Variants in CEP112 observed in about 807,000 individuals in gnomAD.
CEP112 encodes the protein centrosomal protein 112, also known as centrosomal protein of 112 kDa.
In CEP112, 127 loss-of-function variants were observed where a neutral mutation model predicts 153.0. The observed-to-expected ratio is 0.83, with a 90% CI of 0.72 to 0.96. The LOEUF is 0.96. Ranked by LOEUF, CEP112 falls within the 40% of genes least tolerant of loss-of-function variation. The probability of loss-of-function intolerance (pLI) is 0.00; values close to 1 mark genes in which losing one functional copy is unlikely to be tolerated. For synonymous variants in CEP112, 358 were observed against 374.4 expected (o/e 0.96, Z 0.51); for missense variants, 1,089 against 1,101.2 (o/e 0.99, Z 0.16).
At chr17:66,180,858 T>TA (rs2072689940) in intron 2 of CEP112, among the ~76,000 whole-genome samples, 1 of 152,170 alleles carries the variant, frequency 6.6e-6, no homozygotes, top group African/African-American at 2.4e-5. Flanking sequence ...CCTACAAAAA[T>TA]ACACTAAGAC....
At chr17:66,133,132 A>G (rs1469702215) in intron 4 of CEP112, among the ~76,000 whole-genome samples, 2 of 152,146 alleles carry the variant, frequency 1.3e-5, no homozygotes. Context: ...CTTTTTATTT[A>G]TATTTCATTT....
chr17:65,769,157 C>T (rs6504351), intron 21 of CEP112, among the ~76,000 whole-genome samples: 72,649 of 151,392 alleles, frequency 0.48, 19,074 homozygotes, highest in East Asian at 0.78. Context: ...AAAAAGGAAA[C>T]TGAGAAAACA....
intron 12 of CEP112, among the ~76,000 whole-genome samples, chr17:66,047,163 C>T (rs1192784659): frequency 6.6e-6 from 1 of 152,152 alleles, no homozygotes; most frequent in Non-Finnish European, 1.5e-5. Flanking sequence ...GTTGCCCAGG[C>T]TGGAGTGCAG....
intron 5 of CEP112, among the ~76,000 whole-genome samples, chr17:66,132,043 C>T: frequency 6.6e-6 from 1 of 151,048 alleles, no homozygotes; most frequent in South Asian, 2.1e-4. Flanking sequence ...GTGGTGCATG[C>T]CTGTAGTCTC....
At chr17:65,639,250 C>T (rs993811160) in intron 25 of CEP112, among the ~76,000 whole-genome samples, 3 of 151,960 alleles carry the variant, frequency 2.0e-5, no homozygotes, top group South Asian at 2.1e-4. Flanking sequence ...AAATAGATAA[C>T]GTGGATATCA....
At chr17:65,970,381 G>GCATGTAAATTACATGCACACAT (rs1568313628) in intron 17 of CEP112, among the ~76,000 whole-genome samples, 1 of 62,744 alleles carries the variant, frequency 1.6e-5, no homozygotes, top group Non-Finnish European at 3.7e-5. Flanking sequence ...CACACATCAT[G>GCATGTAAATTACATGCACACAT]CATATATATT....
intron 23 of CEP112, among the ~76,000 whole-genome samples, chr17:65,742,667 A>G (rs1428050044): frequency 6.6e-6 from 1 of 152,004 alleles, no homozygotes; most frequent in Non-Finnish European, 1.5e-5. Context: ...CATTATGCGA[A>G]TACATAATGA....
At chr17:65,964,937 A>T (rs1344208645) in intron 17 of CEP112, among the ~76,000 whole-genome samples, 1 of 152,230 alleles carries the variant, frequency 6.6e-6, no homozygotes, top group Non-Finnish European at 1.5e-5. Context: ...AAAAGTTTAT[A>T]TATCACTTAC....
chr17:66,115,547 G>T (rs2069251316), intron 6 of CEP112, among the ~76,000 whole-genome samples: 1 of 152,168 alleles, frequency 6.6e-6, no homozygotes, highest in African/African-American at 2.4e-5. Context: ...ACTTGCATTT[G>T]TTTTATCTGA....
intron 21 of CEP112, among the ~76,000 whole-genome samples, chr17:65,778,428 T>C (rs2053806798): frequency 6.6e-6 from 1 of 152,212 alleles, no homozygotes; most frequent in African/African-American, 2.4e-5. Flanking sequence ...CCCTTAGAAG[T>C]GATTTACTTT....
At chr17:65,970,750 A>G (rs1341622757) in intron 17 of CEP112, among the ~76,000 whole-genome samples, 1 of 55,292 alleles carries the variant, frequency 1.8e-5, no homozygotes, top group Non-Finnish European at 3.8e-5. Context: ...TAATACATGC[A>G]CATTACAGGT....
chr17:65,831,199 A>G (rs2057062866), intron 21 of CEP112, among the ~76,000 whole-genome samples: 1 of 152,224 alleles, frequency 6.6e-6, no homozygotes, highest in Non-Finnish European at 1.5e-5. Context: ...GAAACTACCA[A>G]TAGACTCAGA....
At chr17:66,127,095 T>G (rs1436576923) in intron 6 of CEP112, among the ~76,000 whole-genome samples, 1 of 152,212 alleles carries the variant, frequency 6.6e-6, no homozygotes, top group African/African-American at 2.4e-5. Flanking sequence ...TGTAAGTGTA[T>G]TCTTTGAACA....
chr17:65,694,638 G>A (rs879842078), intron 23 of CEP112, among the ~76,000 whole-genome samples: 3 of 152,218 alleles, frequency 2.0e-5, no homozygotes, highest in South Asian at 4.1e-4. Flanking sequence ...TAAAATGTAC[G>A]GCATGAAAGG....
chr17:66,038,123 A>T (rs2065818294), intron 12 of CEP112, among the ~76,000 whole-genome samples: 1 of 151,322 alleles, frequency 6.6e-6, no homozygotes, highest in African/African-American at 2.4e-5. Flanking sequence ...AAGAAAAGAA[A>T]AGAAAAGAAA....
intron 23 of CEP112, among the ~76,000 whole-genome samples, chr17:65,742,113 AG>A (rs2051173696): frequency 6.6e-6 from 1 of 152,098 alleles, no homozygotes; most frequent in African/African-American, 2.4e-5. Flanking sequence ...CTCAGCTTAA[AG>A]GGAATATATA....
At chr17:65,932,164 CCCCTCGT>C (rs1213814842) in intron 18 of CEP112, among the ~76,000 whole-genome samples, 1 of 152,164 alleles carries the variant, frequency 6.6e-6, no homozygotes, top group Non-Finnish European at 1.5e-5. Context: ...CAGGCAGCAG[CCCCTCGT>C]AACTAAAGAA....
chr17:65,759,400 C>A (rs2052475226), intron 21 of CEP112, among the ~76,000 whole-genome samples: 1 of 152,108 alleles, frequency 6.6e-6, no homozygotes, highest in Non-Finnish European at 1.5e-5. Context: ...TGGATGGAGT[C>A]CCCTTTCATG....
chr17:65,736,561 C>T (rs2145077528), intron 23 of CEP112, among the ~76,000 whole-genome samples: 1 of 151,960 alleles, frequency 6.6e-6, no homozygotes, highest in East Asian at 1.9e-4. Context: ...CAAAATAGGC[C>T]CTAACTAATA....
Sources: gnomAD v4.1 joint callset for allele counts (sites outside exome capture counted in the v4.1 genomes callset) on GRCh38, gnomAD v4.1.1 for gene constraint, MANE v1.5 for transcripts, NCBI Gene and HGNC (gene_info 2026-07-23, HGNC 2026-07-21) for gene names.